Variants in CMPK1 observed in about 807,000 individuals in gnomAD.
CMPK1 encodes the protein UMP-CMP kinase.
CMPK1 carries 10 observed loss-of-function variants against 25.7 expected under a neutral mutation model. The observed-to-expected ratio is 0.39, with a 90% confidence interval of 0.24 to 0.66. The LOEUF is 0.66. CMPK1 is among the 30% of genes least tolerant of loss of function. The pLI is 0.48. For synonymous variants in CMPK1, 106 were observed against 101.5 expected, an observed-to-expected ratio of 1.04 and a Z score of -0.27; for missense variants, 199 against 280.5, an observed-to-expected ratio of 0.71 and a Z score of 2.08.
rs1407341399 is a variant in CMPK1 at position 47,334,458 on chromosome 1, G to T, written c.171+342G>T. The stretch of plus-strand genomic sequence containing the variant: ...GGTCCCCCAGCGCGCAGAGGTTAGC[G>T]TGTCGCTGATCGTGTGGCAGGTGAA... On this transcript the variant is annotated intron_variant, in intron 1 of 5. Coordinates refer to ENST00000371873, the MANE Select transcript of CMPK1 (RefSeq NM_016308.3). Among the ~76,000 whole-genome samples, 3 of 152,238 alleles carry T rather than the reference G, an allele frequency of 2.0e-5. No individual in the cohort carries two copies. The South Asian group carries it at 6.2e-4, about 32-fold the overall frequency.
intron 1 of CMPK1, among the ~76,000 whole-genome samples, chr1:47,359,239 C>T (rs1276923589): frequency 2.0e-5 from 3 of 151,682 alleles, no homozygotes; most frequent in Admixed American, 2.0e-4. Flanking sequence ...ATGGCGTGAA[C>T]CTGGGAGGCA....
intron 1 of CMPK1, among the ~76,000 whole-genome samples, chr1:47,355,053 A>G (rs959758834): frequency 1.3e-5 from 2 of 151,372 alleles, no homozygotes; most frequent in Admixed American, 6.6e-5. Context: ...ATGGAATCAC[A>G]TTGTCTTTTT....
chr1:47,355,345 CTTTTT>C (rs58017732), intron 1 of CMPK1, among the ~76,000 whole-genome samples: 15 of 104,010 alleles, frequency 1.4e-4, no homozygotes, highest in Non-Finnish European at 1.2e-4. Context: ...CATGCCCAGT[CTTTTT>C]TTTTTTTTTT....
intron 2 of CMPK1, among the ~76,000 whole-genome samples, chr1:47,370,226 T>G (rs1269708227): frequency 6.6e-6 from 1 of 151,450 alleles, no homozygotes; most frequent in East Asian, 2.0e-4. Context: ...CCTTTCTCTG[T>G]TTTTTAACCC....
intron 1 of CMPK1, among the ~76,000 whole-genome samples, chr1:47,359,165 A>C (rs532215824): frequency 4.0e-4 from 61 of 151,948 alleles, no homozygotes; most frequent in Admixed American, 1.6e-3. Flanking sequence ...AAAAATACAA[A>C]AATTAGCCTG....
At chr1:47,353,284 C>T (rs918916541) in intron 1 of CMPK1, among the ~76,000 whole-genome samples, 3 of 152,192 alleles carry the variant, frequency 2.0e-5, no homozygotes, top group African/African-American at 4.8e-5. Flanking sequence ...CCTTATGGAT[C>T]CTCTCAACTG....
chr1:47,335,996 C>T (rs1190168814), intron 1 of CMPK1, among the ~76,000 whole-genome samples: 4 of 152,098 alleles, frequency 2.6e-5, no homozygotes, highest in African/African-American at 7.2e-5. Context: ...CTCTTGACCT[C>T]GTGATCTGCC....
At chr1:47,351,876 C>T (rs1183077082) in intron 1 of CMPK1, among the ~76,000 whole-genome samples, 1 of 151,968 alleles carries the variant, frequency 6.6e-6, no homozygotes, top group African/African-American at 2.4e-5. Context: ...TGGCTTACAC[C>T]TGTAATCCCA....
intron 3 of CMPK1, 71 bp downstream of exon 3, chr1:47,373,178 A>AT: frequency 3.6e-6 from 5 of 1,378,100 alleles, no homozygotes; most frequent in Non-Finnish European, 4.9e-6. Flanking sequence ...AAAACAAAGG[A>AT]TTTTTTAACT....
At chr1:47,336,734 C>T (rs754592153) in intron 1 of CMPK1, among the ~76,000 whole-genome samples, 3 of 152,192 alleles carry the variant, frequency 2.0e-5, no homozygotes, top group Non-Finnish European at 4.4e-5. Flanking sequence ...CTATATTGCC[C>T]AGGCTGGTCT....
At chr1:47,374,845 T>C (rs1353168625) in intron 3 of CMPK1, 64 bp from the exon 4 acceptor site, 8 of 1,251,806 alleles carry the variant, frequency 6.4e-6, no homozygotes, top group Non-Finnish European at 9.1e-6. Flanking sequence ...TCTTGTTTTC[T>C]TTGCAGGTTA....
chr1:47,375,439 G>C (rs1476561407), intron 5 of CMPK1, 146 bp downstream of exon 5: 4 of 565,450 alleles, frequency 7.1e-6, no homozygotes, highest in Admixed American at 3.6e-5. Context: ...GCTCATGCTT[G>C]TAATCCCAGC....
intron 1 of CMPK1, among the ~76,000 whole-genome samples, chr1:47,350,003 G>A (rs1266672429): frequency 6.6e-6 from 1 of 152,016 alleles, no homozygotes; most frequent in Non-Finnish European, 1.5e-5. Flanking sequence ...ATGGAGTTTC[G>A]CCATGTTGGC....
At chr1:47,368,642 C>G (rs780968753) in intron 2 of CMPK1, 27 bp downstream of exon 2, 1 of 1,504,490 alleles carries the variant, frequency 6.6e-7, no homozygotes, top group South Asian at 1.4e-5. Flanking sequence ...CCAACCAGTT[C>G]AAACCAGCGA....
intron 1 of CMPK1, among the ~76,000 whole-genome samples, chr1:47,357,742 C>T (rs11211522): frequency 1.3e-5 from 2 of 151,718 alleles, no homozygotes; most frequent in Non-Finnish European, 2.9e-5. Context: ...GCCTCAGCCT[C>T]CCAAAGTGCT....
intron 1 of CMPK1, among the ~76,000 whole-genome samples, chr1:47,352,405 A>G (rs951941082): frequency 6.6e-6 from 1 of 152,154 alleles, no homozygotes; most frequent in African/African-American, 2.4e-5. Context: ...CAGAGATTAA[A>G]AAGGCTGATA....
intron 3 of CMPK1, 60 bp downstream of exon 3, chr1:47,373,167 A>T (rs907150284): frequency 6.8e-7 from 1 of 1,460,608 alleles, no homozygotes; most frequent in African/African-American, 1.4e-5. Flanking sequence ...AACTATTAGA[A>T]AAAACAAAGG....
chr1:47,375,815 G>A (rs940283658), intron 5 of CMPK1, among the ~76,000 whole-genome samples: 2 of 152,092 alleles, frequency 1.3e-5, no homozygotes, highest in Non-Finnish European at 2.9e-5. Flanking sequence ...CTAAATTGTG[G>A]TTTGCAAGCG....
intron 1 of CMPK1, among the ~76,000 whole-genome samples, chr1:47,361,871 CTTTTT>C (rs34928345): frequency 5.6e-5 from 7 of 125,922 alleles, no homozygotes; most frequent in East Asian, 2.3e-4. Context: ...AAATACTACT[CTTTTT>C]TTTTTTTTTT....
Sources: gnomAD v4.1 joint callset for allele counts (sites outside exome capture counted in the v4.1 genomes callset) on GRCh38, gnomAD v4.1.1 for gene constraint, MANE v1.5 for transcripts, NCBI Gene and HGNC (gene_info 2026-07-23, HGNC 2026-07-21) for gene names.